Variants in GNAT1 observed in about 807,000 individuals in gnomAD.
GNAT1 encodes the protein guanine nucleotide-binding protein G(t) subunit alpha-1.
GNAT1 carries 36 observed loss-of-function variants against 40.0 expected under a neutral mutation model. That is an observed-to-expected ratio of 0.90 (90% CI 0.69 to 1.19). The LOEUF (loss-of-function observed/expected upper bound fraction) is 1.19, where lower values mean the gene tolerates loss of function less well. GNAT1 is among the 50% of genes most tolerant of loss of function. GNAT1 has a pLI of 0.00. For synonymous variants in GNAT1, 195 were observed against 192.9 expected (o/e 1.01, Z -0.09); for missense variants, 413 against 480.6 (o/e 0.86, Z 1.32).
Position 50,194,414 on chromosome 3 carries a change from G to A in GNAT1, c.709-87G>A. Reference sequence around the variant, plus strand: ...GAGCCCTCTGAGAGCCAGCTGAGCGGGAAGCCCCGCGTGCCCGGGAGCCCA... The same window carrying A: ...GAGCCCTCTGAGAGCCAGCTGAGCGAGAAGCCCCGCGTGCCCGGGAGCCCA... On this transcript the variant is annotated intron_variant, in intron 6 of 8. Coordinates refer to ENST00000232461, the MANE Select transcript of GNAT1 (RefSeq NM_144499.3). This position sits in a 1 kb window ranked among gnomAD's most constrained non-coding sequence, Gnocchi z 6.1. The A allele has an allele frequency of 6.7e-7, 1 of 1,501,106 alleles. No individual in the cohort carries two copies. Among genetic ancestry groups the A allele is most frequent in the Non-Finnish European group, 9.1e-7 (1 of 1,094,582 alleles). 93.0% of individuals were successfully genotyped at this position (1,501,106 alleles called of 1,614,324 possible).
Position 50,193,984 on chromosome 3 carries a change from C to A in GNAT1, c.578+103C>A. The A allele has an allele frequency of 6.2e-7, 1 of 1,600,178 alleles. No individual in the cohort carries two copies. The highest frequency in any genetic ancestry group is 1.1e-5 in the South Asian group (1 of 90,762). On this transcript the variant is annotated intron_variant, in intron 5 of 8. Transcript: ENST00000232461. This position sits in a 1 kb window ranked among gnomAD's most constrained non-coding sequence, Gnocchi z 8.1. ...CCCTGCCCCTTCCCTGATACCCCGC[C>A]AGCAGAAAGGGTGGTAGTCCCGGCC...
intron 1 of GNAT1, among the ~76,000 whole-genome samples, chr3:50,192,285 AC>A (rs1699423749): frequency 6.6e-6 from 1 of 152,146 alleles, no homozygotes; most frequent in African/African-American, 2.4e-5. Context: ...CTCTAGGACC[AC>A]CCAGATCCAC....
rs1359232688 is a variant in GNAT1 at position 50,197,063 on chromosome 3, T to A, written c.*1797T>A. Among the ~76,000 whole-genome samples the A allele has an allele frequency of 2.0e-5, 3 of 152,170 alleles. No homozygotes were observed. Among genetic ancestry groups the A allele is most frequent in the East Asian group, 1.9e-4 (1 of 5,202 alleles). On this transcript the variant is annotated 3_prime_UTR_variant, in exon 9 of 9. Transcript: ENST00000232461. ...GTAAATAATATTAGGATAATATTTTTAAAAATCAAATGAATGCAAAACCCC... is the reference window on the plus strand; with the variant it reads ...GTAAATAATATTAGGATAATATTTTAAAAAATCAAATGAATGCAAAACCCC...
At position 50,193,491 on chromosome 3, in the gene GNAT1, T is replaced by C. The variant is rs1699447071; in HGVS notation, c.292-15T>C. The C allele has an allele frequency of 6.2e-7, 1 of 1,612,894 alleles. No homozygotes were observed. Among genetic ancestry groups the C allele is most frequent in the Non-Finnish European group, 8.5e-7 (1 of 1,179,750 alleles). On this transcript the variant is annotated splice_polypyrimidine_tract_variant and intron_variant, in intron 3 of 8. Transcript: ENST00000232461. The surrounding 1 kb of genome is among the most constrained non-coding windows in gnomAD (Gnocchi z 8.1). ...AGTCCCTGGCCGCCACCAGCCACTC[T>C]CACCCTGCCCCCAGGACGACGCCCG...
rs532013408 is a variant in GNAT1 at position 50,193,061 on chromosome 3, C to T, written c.107-72C>T. 89 of 1,540,806 alleles carry T rather than the reference C, an allele frequency of 5.8e-5. No homozygotes were observed. Among genetic ancestry groups the T allele is most frequent in the Non-Finnish European group, 7.9e-5 (89 of 1,119,936 alleles). On this transcript the variant is annotated intron_variant, in intron 1 of 8. Coordinates refer to ENST00000232461, the MANE Select transcript of GNAT1 (RefSeq NM_144499.3). The surrounding 1 kb of genome is among the most constrained non-coding windows in gnomAD (Gnocchi z 8.1). ...TCCACCCTGCCAACTCGGGAGGTCC[C>T]CGTCCTCCTGGCCTCCTTGCTGGAG...
chr3:50,192,472 C>G (rs1293717226), intron 1 of GNAT1, among the ~76,000 whole-genome samples: 1 of 152,220 alleles, frequency 6.6e-6, no homozygotes, highest in Non-Finnish European at 1.5e-5. Flanking sequence ...CCTGACCTCT[C>G]AAGGGGAAAA....
rs1699501472 is a variant in GNAT1 at position 50,196,298 on chromosome 3, G to T, written c.*1032G>T. ...TTCCATTCAGGGTTCCCTGGCAGGG[G>T]AAGCTGAGAGCCATGGCTGAACTAT... On this transcript the variant is annotated 3_prime_UTR_variant, in exon 9 of 9. Coordinates refer to ENST00000232461, the MANE Select transcript of GNAT1 (RefSeq NM_144499.3). The T allele has an allele frequency of 6.6e-6, 1 of 152,378 alleles. No individual in the cohort carries two copies. Among genetic ancestry groups the T allele is most frequent in the Non-Finnish European group, 1.5e-5 (1 of 68,068 alleles). 9.4% of individuals were successfully genotyped at this position (152,378 alleles called of 1,614,324 possible).
chr3:50,191,799 AGGAT>A lies in GNAT1; in HGVS notation c.76_79del (p.Asp26LeufsTer4). 6.2e-7 allele frequency: 1 copy of A among 1,613,896 alleles called. No homozygotes were observed. The highest frequency in any genetic ancestry group is 1.3e-5 in the African/African-American group (1 of 75,070). ...AAGAAGCTGAAAGAGGACGCTGAGA[AGGAT>A]GCTCGAACCGTGAAGCTGCTGCTTC... On this transcript the variant is annotated frameshift_variant, in exon 1 of 9. Transcript: ENST00000232461. LOFTEE classifies it high-confidence loss of function.
At position 50,191,727 on chromosome 3, in the gene GNAT1, TG is replaced by T; in HGVS notation, c.7del (p.Ala3?). 1 of 1,610,188 alleles carries T rather than the reference TG, an allele frequency of 6.2e-7. No homozygotes were observed. Among genetic ancestry groups the T allele is most frequent in the Non-Finnish European group, 8.5e-7 (1 of 1,176,568 alleles). Reference protein sequence around the residue: MGAGASAEEKH... With the variant: XGAGASAEEKH... ...GTCCCTTCGCCTGCTGCTGGGACCA[TG>T]GGGGCTGGGGCCAGTGCTGAGGAGA... On this transcript the variant is annotated frameshift_variant and start_lost, in exon 1 of 9. Coordinates refer to ENST00000232461, the MANE Select transcript of GNAT1 (RefSeq NM_144499.3). LOFTEE classifies it high-confidence loss of function.
intron 1 of GNAT1, 190 bp from the exon 2 acceptor site, chr3:50,192,943 C>G: frequency 1.6e-6 from 1 of 636,938 alleles, no homozygotes; most frequent in Non-Finnish European, 2.8e-6. Flanking sequence ...CATTTGCAAA[C>G]CTTGTGACTT....
In GNAT1 at chr3:50,193,784, C is replaced by A. The variant is rs1399876988; in HGVS notation, c.481C>A (p.Pro161Thr). The A allele has an allele frequency of 6.2e-7, 1 of 1,612,598 alleles. No homozygotes were observed. Among genetic ancestry groups the A allele is most frequent in the Non-Finnish European group, 8.5e-7 (1 of 1,179,858 alleles). ...CTCCGACCTGGAGCGCCTGGTAACC[C>A]CGGGCTACGTGCCCACCGAGCAGGA... ...YLSDLERLVTPGYVPTEQDVL... is the reference protein window; with the variant it reads ...YLSDLERLVTTGYVPTEQDVL... The change falls in exon 5 of 9, where the codon CCG becomes ACG. Residue 161 changes from proline to threonine, a missense_variant. By Grantham distance (38) the Pro-to-Thr change is conservative. Transcript: ENST00000232461. The surrounding 1 kb of genome is among the most constrained non-coding windows in gnomAD (Gnocchi z 8.1).
chr3:50,196,885 G>A lies in GNAT1; in HGVS notation c.*1619G>A, dbSNP rs538609813. 2.0e-5 allele frequency among the ~76,000 whole-genome samples: 3 copies of A among 152,214 alleles called. No individual in the cohort carries two copies. Among genetic ancestry groups the A allele is most frequent in the Admixed American group, 6.5e-5 (1 of 15,274 alleles). On this transcript the variant is annotated 3_prime_UTR_variant, in exon 9 of 9. Transcript: ENST00000232461. ...CGTGGACAGGTGCCCAAAGCCAGTC[G>A]GAGGGCCTGGGCTTTCTCAGAAGGT...
chr3:50,191,872 A>T (rs1464613051), intron 1 of GNAT1, 41 bp downstream of exon 1: 8 of 1,312,142 alleles, frequency 6.1e-6, no homozygotes, highest in Non-Finnish European at 8.8e-6. Context: ...CCACCAGGTC[A>T]TTGGTCTGGA....
chr3:50,194,727 G>A lies in GNAT1; in HGVS notation c.863-38G>A. 6.2e-7 allele frequency: 1 copy of A among 1,612,252 alleles called. No individual in the cohort carries two copies. The highest frequency in any genetic ancestry group is 8.5e-7 in the Non-Finnish European group (1 of 1,179,094). The stretch of plus-strand genomic sequence containing the variant: ...CGGCGCGCACCCCCCGCACGGGGAA[G>A]GAAGGGCTGAGCAGAGTGAGAGCTC... On this transcript the variant is annotated intron_variant, in intron 7 of 8. Transcript: ENST00000232461. The surrounding 1 kb of genome is among the most constrained non-coding windows in gnomAD (Gnocchi z 6.1).
rs879758332 is a variant in GNAT1, at chr3:50,195,060, T to C, written c.*1+104T>C. On this transcript the variant is annotated intron_variant, in intron 8 of 8. Transcript: ENST00000232461. ...AGCCTCACCCCCAAATCCTGGAGCC[T>C]ACTGCCTCCAGGCCCCACCCCAGCT... 9.3e-4 allele frequency: 749 copies of C among 805,610 alleles called. 2 individuals are homozygous for C. Among genetic ancestry groups the C allele is most frequent in the Non-Finnish European group, 1.3e-3 (641 of 509,052 alleles). 49.9% of individuals were successfully genotyped at this position (805,610 alleles called of 1,614,324 possible).
At position 50,194,548 on chromosome 3, in the gene GNAT1, C is replaced by G; in HGVS notation, c.756C>G (p.His252Gln). ...ACCTGTTCAACAGCATCTGCAACCACCGCTACTTCGCCACGACGTCCATCG... is the reference window on the plus strand; with the variant it reads ...ACCTGTTCAACAGCATCTGCAACCAGCGCTACTTCGCCACGACGTCCATCG... ...SLHLFNSICN[H>Q]RYFATTSIVL... The change falls in exon 7 of 9, where the codon CAC becomes CAG. Residue 252 changes from histidine to glutamine, a missense_variant. Physicochemically the swap from His to Gln is conservative, Grantham distance 24. Coordinates refer to ENST00000232461, the MANE Select transcript of GNAT1 (RefSeq NM_144499.3). The surrounding 1 kb of genome is among the most constrained non-coding windows in gnomAD (Gnocchi z 6.1). 6.2e-7 allele frequency: 1 copy of G among 1,613,842 alleles called. No homozygotes were observed. Among genetic ancestry groups the G allele is most frequent in the Non-Finnish European group, 8.5e-7 (1 of 1,179,838 alleles).
rs368941686 is a variant in GNAT1 at position 50,193,689 on chromosome 3, C to T, written c.449+26C>T. 2.2e-4 allele frequency: 355 copies of T among 1,602,502 alleles called. 4 individuals are homozygous for T. The East Asian group carries it at 6.1e-3, about 28-fold the overall frequency. ...GTGAGCGCGCGGGCAGCGCGGGGCG[C>T]GGGGCGCGGGGCGCAGGGGGCCCTC... On this transcript the variant is annotated intron_variant, in intron 4 of 8. Transcript: ENST00000232461. This position sits in a 1 kb window ranked among gnomAD's most constrained non-coding sequence, Gnocchi z 8.1.
Position 50,197,580 on chromosome 3 carries a change from T to C in GNAT1, c.*2314T>C, listed in dbSNP as rs576916447. 7.2e-5 allele frequency among the ~76,000 whole-genome samples: 11 copies of C among 152,350 alleles called. No individual in the cohort carries two copies. Among genetic ancestry groups the C allele is most frequent in the Admixed American group, 6.5e-4 (10 of 15,304 alleles). On this transcript the variant is annotated 3_prime_UTR_variant, in exon 9 of 9. Transcript: ENST00000232461. ...CTCCTTCCTTTTTAAGGTTGAATAATATTCCATTGTATATATTCCACACTT... is the reference window on the plus strand; with the variant it reads ...CTCCTTCCTTTTTAAGGTTGAATAACATTCCATTGTATATATTCCACACTT...
At position 50,194,009 on chromosome 3, in the gene GNAT1, C is replaced by T. The variant is rs951034201; in HGVS notation, c.579-83C>T. 2.6e-5 allele frequency: 42 copies of T among 1,606,446 alleles called. No individual in the cohort carries two copies. In the African/African-American group the frequency reaches 5.2e-4, roughly 20 times the overall value. On this transcript the variant is annotated intron_variant, in intron 5 of 8. Transcript: ENST00000232461. The surrounding 1 kb of genome is among the most constrained non-coding windows in gnomAD (Gnocchi z 6.1). ...CAGCAGAAAGGGTGGTAGTCCCGGCCGAGAGCTCCCCGACCAGCACAGGGC... is the reference window on the plus strand; with the variant it reads ...CAGCAGAAAGGGTGGTAGTCCCGGCTGAGAGCTCCCCGACCAGCACAGGGC...
Sources: gnomAD v4.1 joint callset for allele counts (sites outside exome capture counted in the v4.1 genomes callset) on GRCh38, gnomAD v4.1.1 for gene constraint, Gnocchi (gnomAD v3.1) non-coding constraint, MANE v1.5 for transcripts, NCBI Gene and HGNC (gene_info 2026-07-23, HGNC 2026-07-21) for gene names.